Variants in NCL observed in about 807,000 individuals in gnomAD.
NCL encodes the protein nucleolin multifunctional protein.
A neutral mutation model predicts 77.7 loss-of-function variants in NCL; 4 were observed. The ratio of observed to expected loss-of-function variants is 0.05; its 90% CI spans 0.03 to 0.12. The LOEUF (loss-of-function observed/expected upper bound fraction) is 0.12, where lower values mean the gene tolerates loss of function less well. Among genes scored for constraint, NCL ranks in the 10% least tolerant of loss-of-function variants. The pLI, the probability that NCL is intolerant of heterozygous loss-of-function variation, is 1.00. For synonymous variants in NCL, 344 were observed against 297.8 expected (o/e 1.16, Z -1.60); for missense variants, 763 against 860.9 (o/e 0.89, Z 1.42).
rs776346299 is a variant in NCL at position 231,460,574 on chromosome 2, A to T, written c.812-10T>A. 6.2e-7 allele frequency: 1 copy of T among 1,614,166 alleles called. No individual in the cohort carries two copies. The highest frequency in any genetic ancestry group is 8.5e-7 in the Non-Finnish European group (1 of 1,180,026). The stretch of plus-strand genomic sequence containing the variant: ...GCTTCTTTGACAGGCTCTGGACAAG[A>T]TGTCAAACAATGTATCACACATCAG... On this transcript the variant is annotated splice_polypyrimidine_tract_variant and intron_variant, in intron 4 of 13. Coordinates refer to ENST00000322723, the MANE Select transcript of NCL (RefSeq NM_005381.3).
intron 9 of NCL, 112 bp downstream of exon 9, chr2:231,457,531 C>T (rs375936264): frequency 2.7e-6 from 3 of 1,119,988 alleles, no homozygotes; most frequent in Non-Finnish European, 1.3e-6. Flanking sequence ...TTGATCTTCA[C>T]CTACATTTGA....
At position 231,455,629 on chromosome 2, in the gene NCL, A is replaced by G. The variant is rs2046879037; in HGVS notation, c.1833-5T>C. Reference sequence around the variant, plus strand: ...TTGAAGTCTACAAAACCAAACCTAGAACACCAAATGAAATTGCCCATTATA... The same window carrying G: ...TTGAAGTCTACAAAACCAAACCTAGGACACCAAATGAAATTGCCCATTATA... On this transcript the variant is annotated splice_region_variant and splice_polypyrimidine_tract_variant and intron_variant, in intron 12 of 13. Coordinates refer to ENST00000322723, the MANE Select transcript of NCL (RefSeq NM_005381.3). 1 of 1,613,724 alleles carries G rather than the reference A, an allele frequency of 6.2e-7. No individual in the cohort carries two copies. Among genetic ancestry groups the G allele is most frequent in the South Asian group, 1.1e-5 (1 of 91,078 alleles).
rs1297272847 is a variant in NCL, at chr2:231,460,458, C to T, written c.898+20G>A. Reference sequence around the variant, plus strand: ...TTTGTGCTGTTTATCTCCCCCATATCCCCTAATTCTGCAAGTTACCTTCCA... The same window carrying T: ...TTTGTGCTGTTTATCTCCCCCATATTCCCTAATTCTGCAAGTTACCTTCCA... On this transcript the variant is annotated intron_variant, in intron 5 of 13. Coordinates refer to ENST00000322723, the MANE Select transcript of NCL (RefSeq NM_005381.3). 22 of 1,608,516 alleles carry T rather than the reference C, an allele frequency of 1.4e-5. No individual in the cohort carries two copies. The highest frequency in any genetic ancestry group is 5.5e-5 in the South Asian group (5 of 90,964).
chr2:231,456,808 T>TG (rs2046893382), intron 10 of NCL, 44 bp from the exon 11 acceptor site: 1 of 1,609,922 alleles, frequency 6.2e-7, no homozygotes, highest in East Asian at 2.2e-5. Flanking sequence ...ACCAGGCACA[T>TG]GCTCCTTCAC....
At position 231,459,933 on chromosome 2, in the gene NCL, T is replaced by TA. The variant is rs35026377; in HGVS notation, c.1040+218dup. On this transcript the variant is annotated intron_variant, in intron 6 of 13. Transcript: ENST00000322723. ...ACATAACAAAAACAACAAAAAAACT[T>TA]ACTAAAAATTATTCTGTGCTATACC... 0.015 allele frequency among the ~76,000 whole-genome samples: 2,349 copies of TA among 152,148 alleles called. 137 individuals are homozygous for TA. In the East Asian group the frequency reaches 0.22, roughly 14 times the overall value.
chr2:231,457,989 T>C (rs1376465560), intron 8 of NCL, among the ~76,000 whole-genome samples, 189 bp from the exon 9 acceptor site: 2 of 152,230 alleles, frequency 1.3e-5, no homozygotes, highest in Admixed American at 6.5e-5. Context: ...AATTTTTTCA[T>C]AGTAACCTCA....
In NCL at chr2:231,461,690, C is replaced by T. The variant is rs1266984110; in HGVS notation, c.463G>A (p.Glu155Lys). 1.2e-6 allele frequency: 2 copies of T among 1,613,646 alleles called. No homozygotes were observed. Among genetic ancestry groups the T allele is most frequent in the African/African-American group, 2.7e-5 (2 of 75,050 alleles). ...SDEEEDDDSE[E>K]DEEDDEDEDE... ...TCGTCCTCGTCATCCTCCTCATCCTCCTCACTGTCATCATCCTCCTCTTCA... is the reference window on the plus strand; with the variant it reads ...TCGTCCTCGTCATCCTCCTCATCCTTCTCACTGTCATCATCCTCCTCTTCA... Residue 155 changes from glutamate to lysine, a missense_variant, in exon 3 of 14, where the codon GAG becomes AAG. By Grantham distance (56) the Glu-to-Lys change is moderately conservative. Around this residue, in one of 2 missense-constraint regions of NCL, gnomAD observed 590 missense variants for 570.5 expected, o/e 1.03. Transcript: ENST00000322723.
At chr2:231,458,517 G>C in intron 7 of NCL, 128 bp from the exon 8 acceptor site, 2 of 1,195,980 alleles carry the variant, frequency 1.7e-6, no homozygotes, top group Non-Finnish European at 2.3e-6. Context: ...AATGTACAAG[G>C]CTCGGTGCTA....
chr2:231,458,134 C>G, intron 8 of NCL, 132 bp downstream of exon 8: 1 of 1,230,876 alleles, frequency 8.1e-7, no homozygotes, highest in Non-Finnish European at 1.1e-6. Context: ...AGATGGGTTA[C>G]TGAGGCACAA....
Position 231,460,583 on chromosome 2 carries a change from A to G in NCL, c.812-19T>C. 1 of 1,614,222 alleles carries G rather than the reference A, an allele frequency of 6.2e-7. No individual in the cohort carries two copies. The highest frequency in any genetic ancestry group is 2.2e-5 in the East Asian group (1 of 44,882). ...ACAGGCTCTGGACAAGATGTCAAAC[A>G]ATGTATCACACATCAGTAGCCACAA... On this transcript the variant is annotated intron_variant, in intron 4 of 13. Coordinates refer to ENST00000322723, the MANE Select transcript of NCL (RefSeq NM_005381.3).
intron 12 of NCL, 42 bp downstream of exon 12, chr2:231,455,968 A>G: frequency 6.2e-7 from 1 of 1,614,022 alleles, no homozygotes; most frequent in Non-Finnish European, 8.5e-7. Context: ...CAGAACAAAA[A>G]CCCCTTCAAG....
At chr2:231,461,230 A>G (rs1360979500) in intron 3 of NCL, among the ~76,000 whole-genome samples, 1 of 151,932 alleles carries the variant, frequency 6.6e-6, no homozygotes, top group Non-Finnish European at 1.5e-5. Context: ...GAGCCGAGAT[A>G]GCGCGCCATT....
intron 3 of NCL, 47 bp from the exon 4 acceptor site, chr2:231,460,913 C>T (rs1575262454): frequency 7.1e-7 from 1 of 1,411,178 alleles, no homozygotes; most frequent in South Asian, 1.2e-5. Context: ...CCAAAACCAA[C>T]ATCGGTTTTC....
intron 1 of NCL, 108 bp downstream of exon 1, chr2:231,464,228 G>T (rs577202032): frequency 6.0e-6 from 9 of 1,498,076 alleles, no homozygotes; most frequent in Non-Finnish European, 8.1e-6. Context: ...GCAGCATGGC[G>T]CCCTAGAACG....
rs199689485 is a variant in NCL at position 231,460,703 on chromosome 2, T to A, written c.777A>T (p.Glu259Asp). The change falls in exon 4 of 14, where the codon GAA (glutamate) becomes GAT (aspartate). Residue 259 changes from glutamate (E) to aspartate (D), a missense_variant. Physicochemically the swap from Glu to Asp is conservative, Grantham distance 45. Coordinates refer to ENST00000322723, the MANE Select transcript of NCL (RefSeq NM_005381.3). ...DDEDDEDDDD[E>D]DDEEEEEEEE... ...CCTCTTCTTCCTCCTCCTCATCATC[T>A]TCATCATCATCATCTTCATCATCTT... 139 of 1,607,540 alleles carry A rather than the reference T, an allele frequency of 8.6e-5. No individual in the cohort carries two copies. The highest frequency in any genetic ancestry group is 3.3e-4 in the Middle Eastern group (2 of 6,068).
rs2046869394 is a variant in NCL at position 231,454,915 on chromosome 2, A to AAAATGGTTTTGT, written c.*264_*275dup. The stretch of plus-strand genomic sequence containing the variant: ...ACAAAACCCAAACTATTTGTAGGAA[A>AAAATGGTTTTGT]AAATGGTTTTGTACATGGGATGAAA... On this transcript the variant is annotated 3_prime_UTR_variant, in exon 14 of 14. Transcript: ENST00000322723. 1 of 320,900 alleles carries AAAATGGTTTTGT rather than the reference A, an allele frequency of 3.1e-6. No individual in the cohort carries two copies. The highest frequency in any genetic ancestry group is 5.7e-6 in the Non-Finnish European group (1 of 176,890). 19.9% of individuals were successfully genotyped at this position (320,900 alleles called of 1,614,324 possible).
At chr2:231,459,896 G>A (rs764048625) in intron 6 of NCL, among the ~76,000 whole-genome samples, 6 of 151,894 alleles carry the variant, frequency 4.0e-5, no homozygotes, top group Non-Finnish European at 2.9e-5. Context: ...AAAAGCCAGC[G>A]TCCGTCTCAA....
Position 231,455,482 on chromosome 2 carries a change from C to T in NCL, c.1975G>A (p.Gly659Ser). ...GEGGFGGRGG[G>S]RGGFGGRGGG... ...CCTCGTCCTCCAAAGCCGCCTCTGC[C>T]TCCACCACGACCCCCGAAGCCACCT... Residue 659 changes from glycine to serine, a missense_variant, in exon 13 of 14, where the codon GGC (glycine) becomes AGC (serine). This residue lies in a region of NCL where 173 missense variants were observed against 290.4 expected (regional missense o/e 0.60). Transcript: ENST00000322723. 6.2e-7 allele frequency: 1 copy of T among 1,614,178 alleles called. No homozygotes were observed. Among genetic ancestry groups the T allele is most frequent in the Non-Finnish European group, 8.5e-7 (1 of 1,180,022 alleles).
intron 3 of NCL, 151 bp downstream of exon 3, chr2:231,461,389 G>A (rs1420249340): frequency 1.7e-6 from 2 of 1,192,898 alleles, no homozygotes; most frequent in African/African-American, 1.5e-5. Flanking sequence ...TCATTCATGG[G>A]TAATTAAGTC....
Sources: gnomAD v4.1 joint callset for allele counts (sites outside exome capture counted in the v4.1 genomes callset) on GRCh38, gnomAD v4.1.1 for gene constraint, gnomAD v4.1.1 regional missense constraint, MANE v1.5 for transcripts, NCBI Gene and HGNC (gene_info 2026-07-23, HGNC 2026-07-21) for gene names.